Variants in MARCHF1 observed in about 807,000 individuals in gnomAD.
MARCHF1 encodes the protein E3 ubiquitin-protein ligase MARCHF1.
Under a neutral mutation model 54.2 loss-of-function variants are expected in MARCHF1, and 40 were observed. That is an observed-to-expected ratio of 0.74 (90% CI 0.57 to 0.96). The LOEUF is 0.96. Ranked by LOEUF, MARCHF1 falls within the 40% of genes least tolerant of loss-of-function variation. The probability of loss-of-function intolerance (pLI) is 0.00; values close to 1 mark genes in which losing one functional copy is unlikely to be tolerated. For missense variants in MARCHF1, 586 were observed against 656.5 expected, an observed-to-expected ratio of 0.89 and a Z score of 1.17; for synonymous variants, 236 against 236.3, an observed-to-expected ratio of 1.00 and a Z score of 0.01.
intron 4 of MARCHF1, among the ~76,000 whole-genome samples, chr4:163,787,380 T>TA (rs535768043): frequency 1.6e-3 from 233 of 144,936 alleles, no homozygotes; most frequent in East Asian, 4.0e-3. Flanking sequence ...AACTCAACAA[T>TA]AAAAAAAAAA....
intron 4 of MARCHF1, among the ~76,000 whole-genome samples, chr4:163,802,538 T>C (rs1245714704): frequency 6.6e-6 from 1 of 152,196 alleles, no homozygotes; most frequent in African/African-American, 2.4e-5. Context: ...TCAAGCAGCT[T>C]TTGCTGTAAC....
intron 1 of MARCHF1, among the ~76,000 whole-genome samples, chr4:164,235,125 C>T (rs941194228): frequency 6.6e-6 from 1 of 151,990 alleles, no homozygotes; most frequent in Non-Finnish European, 1.5e-5. Context: ...TTTCTTTCTA[C>T]CAAATCATTC....
chr4:163,799,657 A>G (rs1045409922), intron 4 of MARCHF1, among the ~76,000 whole-genome samples: 8 of 152,152 alleles, frequency 5.3e-5, no homozygotes, highest in Non-Finnish European at 4.4e-5. Context: ...GGGCTTAAAA[A>G]TAAGACAGTA....
At chr4:163,673,572 C>A (rs1743806428) in intron 5 of MARCHF1, among the ~76,000 whole-genome samples, 1 of 151,788 alleles carries the variant, frequency 6.6e-6, no homozygotes, top group Admixed American at 6.6e-5. Context: ...CCTAAAATAG[C>A]CATTTTAGGA....
intron 4 of MARCHF1, among the ~76,000 whole-genome samples, chr4:163,733,227 GTA>G (rs1241873225): frequency 0.012 from 167 of 13,824 alleles, 15 homozygotes; most frequent in Non-Finnish European, 0.023. Context: ...ATATACACGT[GTA>G]TATATATATA....
intron 4 of MARCHF1, among the ~76,000 whole-genome samples, chr4:163,719,375 A>G (rs1168244584): frequency 6.6e-6 from 1 of 151,878 alleles, no homozygotes; most frequent in African/African-American, 2.4e-5. Flanking sequence ...CTTTTTTGTG[A>G]CTGCATAGTA....
intron 1 of MARCHF1, among the ~76,000 whole-genome samples, chr4:164,236,219 C>T (rs1418178998): frequency 1.3e-5 from 2 of 152,074 alleles, no homozygotes; most frequent in African/African-American, 2.4e-5. Flanking sequence ...ACCATTGCTT[C>T]TAAGGGAAAT....
At chr4:163,803,002 T>C (rs766065450) in intron 4 of MARCHF1, among the ~76,000 whole-genome samples, 1 of 152,168 alleles carries the variant, frequency 6.6e-6, no homozygotes, top group Non-Finnish European at 1.5e-5. Context: ...TCAAGCCTCA[T>C]CCTAAAGAGT....
chr4:163,817,881 T>C (rs371786649), intron 4 of MARCHF1, among the ~76,000 whole-genome samples: 33 of 144,026 alleles, frequency 2.3e-4, no homozygotes, highest in East Asian at 1.0e-3. Context: ...AAACACCGCA[T>C]GTTCTCACTC....
At chr4:163,890,180 C>T (rs1162416930) in intron 3 of MARCHF1, among the ~76,000 whole-genome samples, 3 of 151,916 alleles carry the variant, frequency 2.0e-5, no homozygotes, top group East Asian at 1.9e-4. Flanking sequence ...GTGATCCACC[C>T]GCCTTGGCCT....
At chr4:164,342,286 T>C (rs1378743097) in intron 1 of MARCHF1, among the ~76,000 whole-genome samples, 1 of 152,136 alleles carries the variant, frequency 6.6e-6, no homozygotes, top group Non-Finnish European at 1.5e-5. Context: ...AAGACGGCTT[T>C]CATTAAAAAG....
intron 2 of MARCHF1, among the ~76,000 whole-genome samples, chr4:164,028,187 G>C (rs1753808416): frequency 6.6e-6 from 1 of 152,156 alleles, no homozygotes. Context: ...ATTTAAAACA[G>C]AGCTACAATT....
chr4:163,973,570 AGG>A (rs1004488000), intron 3 of MARCHF1, among the ~76,000 whole-genome samples: 14 of 152,224 alleles, frequency 9.2e-5, no homozygotes, highest in African/African-American at 3.4e-4. Flanking sequence ...ACGGCGTTGG[AGG>A]GCACTACCAA....
chr4:164,348,850 G>A (rs1730195543), intron 1 of MARCHF1, among the ~76,000 whole-genome samples: 1 of 152,078 alleles, frequency 6.6e-6, no homozygotes, highest in Non-Finnish European at 1.5e-5. Flanking sequence ...TATATTGCTT[G>A]CACTCTTCCA....
At chr4:163,858,088 C>G (rs1749816899) in intron 3 of MARCHF1, among the ~76,000 whole-genome samples, 1 of 28,350 alleles carries the variant, frequency 3.5e-5, no homozygotes, top group South Asian at 2.3e-3. Flanking sequence ...CTGTGTTGCA[C>G]AACTCCGGGG....
chr4:163,694,748 T>C (rs911273574), intron 5 of MARCHF1, among the ~76,000 whole-genome samples: 8 of 152,248 alleles, frequency 5.3e-5, no homozygotes, highest in Admixed American at 3.9e-4. Flanking sequence ...GCTAAAAATA[T>C]CTTGATAGCT....
chr4:164,087,066 G>A (rs1755206365), intron 2 of MARCHF1, among the ~76,000 whole-genome samples: 1 of 152,074 alleles, frequency 6.6e-6, no homozygotes, highest in South Asian at 2.1e-4. Context: ...CTAGGGAACA[G>A]ACCAGTGCCT....
intron 2 of MARCHF1, among the ~76,000 whole-genome samples, chr4:163,994,125 A>G (rs1450851320): frequency 6.6e-6 from 1 of 152,096 alleles, no homozygotes; most frequent in Non-Finnish European, 1.5e-5. Flanking sequence ...TTCTTCACTT[A>G]TCTTCAGAAA....
chr4:163,913,658 T>C (rs1378775772), intron 3 of MARCHF1, among the ~76,000 whole-genome samples: 1 of 152,170 alleles, frequency 6.6e-6, no homozygotes, highest in Non-Finnish European at 1.5e-5. Context: ...AAGAGGAAGA[T>C]AACTGAGGAG....
Sources: gnomAD v4.1 joint callset for allele counts (sites outside exome capture counted in the v4.1 genomes callset) on GRCh38, gnomAD v4.1.1 for gene constraint, MANE v1.5 for transcripts, NCBI Gene and HGNC (gene_info 2026-07-23, HGNC 2026-07-21) for gene names.